Variants in KLF12 observed in about 807,000 individuals in gnomAD.
KLF12 encodes KLF transcription factor 12.
KLF12 carries 9 observed loss-of-function variants against 37.8 expected under a neutral mutation model. That is an observed-to-expected ratio of 0.24 (90% CI 0.14 to 0.42). KLF12 has a LOEUF of 0.42. Ranked by LOEUF, KLF12 falls within the 10% of genes least tolerant of loss-of-function variation. The pLI is 1.00. For missense variants in KLF12, 411 were observed against 516.0 expected, an observed-to-expected ratio of 0.80 and a Z score of 1.97; for synonymous variants, 208 against 202.1, an observed-to-expected ratio of 1.03 and a Z score of -0.25.
intron 3 of KLF12, among the ~76,000 whole-genome samples, chr13:73,915,414 T>C (rs1361703803): frequency 2.6e-5 from 4 of 152,130 alleles, no homozygotes; most frequent in Non-Finnish European, 4.4e-5. Flanking sequence ...GTGTTGCCTT[T>C]CCAAGATTGC....
intron 3 of KLF12, among the ~76,000 whole-genome samples, chr13:73,901,784 T>C (rs1378842248): frequency 2.0e-5 from 3 of 152,158 alleles, no homozygotes; most frequent in African/African-American, 7.2e-5. Context: ...TCATCCACAG[T>C]TGTAAAACAG....
chr13:74,068,216 T>A (rs1252589316), intron 1 of KLF12, among the ~76,000 whole-genome samples: 1 of 152,248 alleles, frequency 6.6e-6, no homozygotes, highest in African/African-American at 2.4e-5. Context: ...GAGGATGAAA[T>A]GCAGCACAGT....
chr13:74,048,243 G>A (rs1224827347), intron 1 of KLF12, among the ~76,000 whole-genome samples: 5 of 152,146 alleles, frequency 3.3e-5, no homozygotes, highest in Admixed American at 1.3e-4. Context: ...TGTAGAGGCT[G>A]GAATACGTCA....
chr13:74,189,773 C>CT, the KLF12 span, among the ~76,000 whole-genome samples: 3 of 152,220 alleles, frequency 2.0e-5, no homozygotes, highest in Middle Eastern at 3.4e-3. Context: ...CTTTTCACAT[C>CT]TTTTTTTCAT....
intron 3 of KLF12, among the ~76,000 whole-genome samples, chr13:73,849,375 T>TAAAAAAAAAAAAAAAAA (rs574332239): frequency 2.0e-5 from 2 of 98,986 alleles, no homozygotes; most frequent in African/African-American, 9.6e-5. Context: ...GGAGACTCCA[T>TAAAAAAAAAAAAAAAAA]AAAAAAAAAA....
intron 1 of KLF12, among the ~76,000 whole-genome samples, chr13:74,094,475 C>CA (rs1442342837): frequency 6.6e-6 from 1 of 152,092 alleles, no homozygotes; most frequent in Non-Finnish European, 1.5e-5. Flanking sequence ...TATCAACTCT[C>CA]ACTAGATCAT....
chr13:73,894,684 T>C (rs1483847536), intron 3 of KLF12, among the ~76,000 whole-genome samples: 1 of 152,204 alleles, frequency 6.6e-6, no homozygotes, highest in Non-Finnish European at 1.5e-5. Flanking sequence ...ATATACACAC[T>C]GAATAGGCTT....
At chr13:73,735,970 C>A (rs533715966) in intron 6 of KLF12, among the ~76,000 whole-genome samples, 1 of 135,976 alleles carries the variant, frequency 7.4e-6, no homozygotes, top group South Asian at 2.4e-4. Flanking sequence ...TTTTTTTTTA[C>A]CTGCTTCAAG....
At chr13:74,146,508 G>A in the KLF12 span, among the ~76,000 whole-genome samples, 1 of 152,090 alleles carries the variant, frequency 6.6e-6, no homozygotes, top group African/African-American at 2.4e-5. Context: ...AAACAGATTA[G>A]GGATATTGGT....
chr13:73,990,869 A>T (rs1891950527), intron 2 of KLF12, among the ~76,000 whole-genome samples: 1 of 152,192 alleles, frequency 6.6e-6, no homozygotes. Context: ...TATTTTTAAA[A>T]AACCGTTTCT....
chr13:73,814,343 T>C (rs927272783), intron 4 of KLF12, among the ~76,000 whole-genome samples: 2 of 152,184 alleles, frequency 1.3e-5, no homozygotes, highest in Non-Finnish European at 2.9e-5. Flanking sequence ...TCAAATCACT[T>C]TTTTTGGTTA....
chr13:74,144,124 T>C, the KLF12 span, among the ~76,000 whole-genome samples: 1 of 152,208 alleles, frequency 6.6e-6, no homozygotes, highest in African/African-American at 2.4e-5. Context: ...TGTAGAAAAC[T>C]GCCTAGCATG....
intron 6 of KLF12, among the ~76,000 whole-genome samples, chr13:73,760,761 G>A (rs919628250): frequency 1.3e-5 from 2 of 151,974 alleles, no homozygotes; most frequent in Non-Finnish European, 2.9e-5. Context: ...AATCACTACC[G>A]CCACCATTAT....
At chr13:73,931,548 T>C (rs1471395793) in intron 3 of KLF12, among the ~76,000 whole-genome samples, 1 of 152,168 alleles carries the variant, frequency 6.6e-6, no homozygotes, top group Non-Finnish European at 1.5e-5. Flanking sequence ...AGACATGCAA[T>C]GTCAATGGAA....
At chr13:73,762,176 C>T (rs1184079290) in intron 6 of KLF12, among the ~76,000 whole-genome samples, 2 of 152,184 alleles carry the variant, frequency 1.3e-5, no homozygotes, top group Admixed American at 6.5e-5. Flanking sequence ...CAACATATGT[C>T]GTTGGGCCTC....
chr13:74,285,118 A>G, the KLF12 span, among the ~76,000 whole-genome samples: 1 of 152,070 alleles, frequency 6.6e-6, no homozygotes, highest in East Asian at 1.9e-4. Flanking sequence ...GGCATGTGAA[A>G]TTCACTTACA....
At chr13:73,710,304 T>C (rs1293095709) in intron 7 of KLF12, among the ~76,000 whole-genome samples, 1 of 152,034 alleles carries the variant, frequency 6.6e-6, no homozygotes, top group Non-Finnish European at 1.5e-5. Context: ...TAAAAAAAAC[T>C]TAACACCATT....
At chr13:74,014,495 G>C (rs1315740807) in intron 1 of KLF12, among the ~76,000 whole-genome samples, 1 of 152,160 alleles carries the variant, frequency 6.6e-6, no homozygotes, top group Non-Finnish European at 1.5e-5. Flanking sequence ...AACATGCGTA[G>C]TTTGTATTCA....
At chr13:74,297,739 T>C in the KLF12 span, among the ~76,000 whole-genome samples, 1 of 152,156 alleles carries the variant, frequency 6.6e-6, no homozygotes, top group African/African-American at 2.4e-5. Context: ...ATTTCTATAA[T>C]TATAAAGAAA....
Sources: gnomAD v4.1 joint callset for allele counts (sites outside exome capture counted in the v4.1 genomes callset) on GRCh38, gnomAD v4.1.1 for gene constraint, MANE v1.5 for transcripts, NCBI Gene and HGNC (gene_info 2026-07-23, HGNC 2026-07-21) for gene names.